The following ACYP2 variants were observed in gnomAD, a reference collection of about 807,000 sequenced individuals.
ACYP2 encodes acylphosphatase-2.
A neutral mutation model predicts 11.2 loss-of-function variants in ACYP2; 12 were observed. That is an observed-to-expected ratio of 1.08 (90% confidence interval 0.69 to 1.74). The LOEUF is 1.74. Ranked by LOEUF, ACYP2 falls within the 40% of genes most tolerant of loss-of-function variation. The probability of loss-of-function intolerance (pLI) is 0.00; values close to 1 mark genes in which losing one functional copy is unlikely to be tolerated. For synonymous variants in ACYP2, 43 were observed against 32.2 expected, an observed-to-expected ratio of 1.33 and a Z score of -1.13; for missense variants, 134 against 101.9, an observed-to-expected ratio of 1.31 and a Z score of -1.35.
chr2:54,013,890 GCT>G (rs1673535336), intron 2 of ACYP2, among the ~76,000 whole-genome samples: 1 of 152,114 alleles, frequency 6.6e-6, no homozygotes, highest in Non-Finnish European at 1.5e-5. Context: ...GGGTGTGGTG[GCT>G]CACACCTGTA....
chr2:54,227,957 G>A (rs1686079671), intron 6 of ACYP2, among the ~76,000 whole-genome samples: 1 of 152,190 alleles, frequency 6.6e-6, no homozygotes, highest in Non-Finnish European at 1.5e-5. Context: ...TTCTCAGAAA[G>A]CTAAACCCCA....
chr2:54,169,217 T>C (rs929853007), intron 6 of ACYP2, among the ~76,000 whole-genome samples: 2 of 152,210 alleles, frequency 1.3e-5, no homozygotes, highest in Non-Finnish European at 2.9e-5. Context: ...AATTAGCATG[T>C]GTGGTGCCAT....
intron 4 of ACYP2, among the ~76,000 whole-genome samples, chr2:54,090,567 T>C (rs1678174183): frequency 6.6e-6 from 1 of 151,724 alleles, no homozygotes; most frequent in Admixed American, 6.6e-5. Flanking sequence ...GGAGGTGGAG[T>C]TTGCAGTGAG....
At chr2:54,207,199 G>GTGTGTGTGTGTA (rs1558613448) in intron 6 of ACYP2, among the ~76,000 whole-genome samples, 1 of 151,440 alleles carries the variant, frequency 6.6e-6, no homozygotes, top group Non-Finnish European at 1.5e-5. Context: ...GTGTGTGTGT[G>GTGTGTGTGTGTA]TGTGTGTATA....
intron 4 of ACYP2, among the ~76,000 whole-genome samples, chr2:54,099,599 G>A (rs1213660933): frequency 4.6e-5 from 7 of 152,122 alleles, no homozygotes; most frequent in Non-Finnish European, 7.4e-5. Context: ...ATGTTGTCAC[G>A]AATCACAGGA....
Position 54,287,060 on chromosome 2 carries a change from T to G in ACYP2, c.405-17628T>G, listed in dbSNP as rs369874402. Among the ~76,000 whole-genome samples the G allele has an allele frequency of 2.0e-5, 3 of 152,028 alleles. 1 individual carries two copies. Among genetic ancestry groups the G allele is most frequent in the African/African-American group, 7.3e-5 (3 of 41,272 alleles). On this transcript the variant is annotated intron_variant, in intron 6 of 6. Coordinates refer to ENST00000607452, the MANE Select transcript of ACYP2 (RefSeq NM_001320586.2). The stretch of plus-strand genomic sequence containing the variant: ...CTCTTTTCACTAAAGGTGAGTGCAT[T>G]TGTGCTGCTATAACAAAATATCTTA...
intron 2 of ACYP2, among the ~76,000 whole-genome samples, chr2:54,045,943 G>A (rs551131854): frequency 6.6e-6 from 1 of 152,186 alleles, no homozygotes; most frequent in South Asian, 2.1e-4. Context: ...GGCCAAGGTG[G>A]GTAGATTGCT....
chr2:54,220,635 TAGAG>T (rs1685761253), intron 6 of ACYP2, among the ~76,000 whole-genome samples: 1 of 152,198 alleles, frequency 6.6e-6, no homozygotes, highest in African/African-American at 2.4e-5. Flanking sequence ...ATAGTTTGAG[TAGAG>T]AAACAGTCTG....
At chr2:54,092,371 C>G (rs1453547389) in intron 4 of ACYP2, among the ~76,000 whole-genome samples, 1 of 152,208 alleles carries the variant, frequency 6.6e-6, no homozygotes, top group Non-Finnish European at 1.5e-5. Context: ...ATTTGACACT[C>G]CGCTGATCCG....
At chr2:54,136,895 G>C (rs1175529614) in intron 5 of ACYP2, among the ~76,000 whole-genome samples, 1 of 152,124 alleles carries the variant, frequency 6.6e-6, no homozygotes, top group Non-Finnish European at 1.5e-5. Flanking sequence ...AGAATCGCTT[G>C]AACTTGGGAG....
intron 6 of ACYP2, among the ~76,000 whole-genome samples, chr2:54,219,881 G>GTGTATATATA (rs1222539416): frequency 4.0e-5 from 4 of 99,478 alleles, no homozygotes; most frequent in Non-Finnish European, 7.6e-5. Flanking sequence ...GTGTGTGTGT[G>GTGTATATATA]TATATATATA....
At chr2:54,166,129 G>A (rs1251221034) in intron 6 of ACYP2, among the ~76,000 whole-genome samples, 2 of 152,092 alleles carry the variant, frequency 1.3e-5, no homozygotes, top group Non-Finnish European at 2.9e-5. Context: ...TTACTGCCTG[G>A]TTAGTCAGTC....
chr2:54,197,942 ATATTG>A (rs141209640), intron 6 of ACYP2, among the ~76,000 whole-genome samples: 2,248 of 69,170 alleles, frequency 0.032, 26 homozygotes, highest in Non-Finnish European at 0.038. Context: ...TGTATGTATT[ATATTG>A]TATTGTATTG....
At chr2:54,148,958 C>G (rs1321678979) in intron 6 of ACYP2, among the ~76,000 whole-genome samples, 1 of 152,034 alleles carries the variant, frequency 6.6e-6, no homozygotes, top group African/African-American at 2.4e-5. Context: ...TTGCACCAAC[C>G]TAATAGTGCC....
intron 4 of ACYP2, among the ~76,000 whole-genome samples, chr2:54,085,867 A>G (rs1166613857): frequency 6.6e-6 from 1 of 151,800 alleles, no homozygotes; most frequent in Non-Finnish European, 1.5e-5. Context: ...AAATGTTGGG[A>G]AAAATATGTA....
intron 4 of ACYP2, 75 bp downstream of exon 1, chr2:54,115,831 C>T (rs764937494): frequency 1.4e-6 from 2 of 1,433,652 alleles, no homozygotes; most frequent in Middle Eastern, 1.8e-4. Context: ...AAGCGCCTCC[C>T]ACCTAAAGTA....
chr2:54,001,299 T>G (rs989701706), intron 2 of ACYP2, among the ~76,000 whole-genome samples: 7 of 152,148 alleles, frequency 4.6e-5, no homozygotes, highest in African/African-American at 1.7e-4. Flanking sequence ...TGTTTGAAGC[T>G]GCAGTCACAT....
rs1048752555 is a variant in ACYP2 at position 54,274,612 on chromosome 2, C to A, written c.405-30076C>A. ...ACTGCCCTCAGGCTGGGTGACAGAG[C>A]AAGACTCCATCTCAAAAAAAAAAAA... On this transcript the variant is annotated intron_variant, in intron 6 of 6. Transcript: ENST00000607452. Among the ~76,000 whole-genome samples the A allele has an allele frequency of 8.3e-5, 8 of 96,368 alleles. No homozygotes were observed. In the South Asian group the frequency reaches 2.8e-3, roughly 34 times the overall value. The allele number at this position is 96,368 out of a possible 152,430, so 63.2% of individuals were successfully genotyped here.
intron 6 of ACYP2, among the ~76,000 whole-genome samples, chr2:54,249,403 C>T (rs924928616): frequency 9.3e-4 from 139 of 150,076 alleles, no homozygotes; most frequent in African/African-American, 2.8e-3. Context: ...CCACTGCACA[C>T]CAGCCTGGGT....
Sources: allele counts gnomAD v4.1 joint callset (sites outside exome capture counted in the v4.1 genomes callset), GRCh38; gene constraint gnomAD v4.1.1; transcripts MANE v1.5; gene names NCBI Gene and HGNC (gene_info 2026-07-23, HGNC 2026-07-21).